Variants in BACH2 observed in about 807,000 individuals in gnomAD.
BACH2 encodes the protein BACH transcriptional regulator 2.
BACH2 carries 5 observed loss-of-function variants against 61.8 expected under a neutral mutation model. The observed-to-expected ratio is 0.08, with a 90% CI of 0.04 to 0.17. BACH2 has a LOEUF of 0.17. Among genes scored for constraint, BACH2 ranks in the 10% least tolerant of loss-of-function variants. The pLI is 1.00. For synonymous variants in BACH2, 446 were observed against 440.1 expected, an observed-to-expected ratio of 1.01 and a Z score of -0.17; for missense variants, 824 against 1,091.1, an observed-to-expected ratio of 0.76 and a Z score of 3.45.
chr6:89,990,609 G>T (rs534491517), intron 6 of BACH2, among the ~76,000 whole-genome samples: 6 of 151,832 alleles, frequency 4.0e-5, no homozygotes, highest in African/African-American at 1.4e-4. Flanking sequence ...TACCTTGGCT[G>T]GTCTCTCTCC....
intron 5 of BACH2, among the ~76,000 whole-genome samples, chr6:90,056,858 G>T (rs1375927238): frequency 1.3e-5 from 2 of 152,168 alleles, no homozygotes; most frequent in Non-Finnish European, 2.9e-5. Flanking sequence ...TGAACAACCT[G>T]CTCCTGAATG....
chr6:90,159,097 C>T (rs1428280914), intron 4 of BACH2, among the ~76,000 whole-genome samples: 5 of 152,130 alleles, frequency 3.3e-5, no homozygotes, highest in Non-Finnish European at 7.3e-5. Context: ...AGACATTTAA[C>T]GTGTGACAAA....
chr6:90,260,927 AGTCCTGT>A (rs1771136450), intron 2 of BACH2, among the ~76,000 whole-genome samples: 1 of 152,132 alleles, frequency 6.6e-6, no homozygotes, highest in African/African-American at 2.4e-5. Flanking sequence ...CCACTGGAAA[AGTCCTGT>A]GTCCCACAGG....
chr6:90,281,564 A>G (rs1042897407), intron 1 of BACH2, among the ~76,000 whole-genome samples: 2 of 152,072 alleles, frequency 1.3e-5, no homozygotes, highest in Admixed American at 6.5e-5. Flanking sequence ...ATCATATTAA[A>G]TCATATTAAT....
chr6:90,001,261 ACAC>A (rs1391902863), intron 6 of BACH2: 1 of 152,246 alleles, frequency 6.6e-6, no homozygotes, highest in East Asian at 1.9e-4. Flanking sequence ...AACAGATAAA[ACAC>A]CACATCTTGA....
chr6:89,938,680 T>G (rs771060930), intron 7 of BACH2, among the ~76,000 whole-genome samples: 5 of 152,186 alleles, frequency 3.3e-5, no homozygotes, highest in Non-Finnish European at 7.3e-5. Flanking sequence ...TGTACTTCCA[T>G]AAGACCTACA....
At chr6:90,085,453 AGC>A in intron 5 of BACH2, among the ~76,000 whole-genome samples, 1 of 152,174 alleles carries the variant, frequency 6.6e-6, no homozygotes, top group African/African-American at 2.4e-5. Context: ...GAGGAACTGG[AGC>A]AGCCCCACTG....
Position 90,137,854 on chromosome 6 carries a change from CA to C in BACH2, c.-161-48746del, listed in dbSNP as rs1784327958. Reference sequence around the variant, plus strand: ...CTAATAAGATTCGGCTGCTGTCTTGCAAAGCCAGGCAGTGTGGGACAGCTGG... The same window carrying C: ...CTAATAAGATTCGGCTGCTGTCTTGCAAGCCAGGCAGTGTGGGACAGCTGG... On this transcript the variant is annotated intron_variant, in intron 4 of 8. Coordinates refer to ENST00000257749, the MANE Select transcript of BACH2 (RefSeq NM_021813.4). Among the ~76,000 whole-genome samples the C allele has an allele frequency of 2.6e-5, 4 of 152,252 alleles. No homozygotes were observed. In the South Asian group the frequency reaches 8.3e-4, roughly 32 times the overall value.
At chr6:90,056,829 T>C (rs951699850) in intron 5 of BACH2, among the ~76,000 whole-genome samples, 4 of 152,092 alleles carry the variant, frequency 2.6e-5, no homozygotes, top group Admixed American at 6.6e-5. Context: ...CACTCAAAAC[T>C]GCTCAACTAC....
intron 4 of BACH2, among the ~76,000 whole-genome samples, chr6:90,173,819 A>AC (rs1767898318): frequency 6.6e-6 from 1 of 152,192 alleles, no homozygotes. Flanking sequence ...GAGTTTGATC[A>AC]TATGAAAATT....
chr6:90,182,426 A>G (rs952177951), intron 4 of BACH2, among the ~76,000 whole-genome samples: 2 of 152,024 alleles, frequency 1.3e-5, no homozygotes, highest in African/African-American at 4.8e-5. Flanking sequence ...AGGATTTCCT[A>G]CCTCATCCAG....
chr6:90,243,518 C>G (rs1770527824), intron 3 of BACH2, among the ~76,000 whole-genome samples: 1 of 152,090 alleles, frequency 6.6e-6, no homozygotes. Flanking sequence ...AAAGTTTTGT[C>G]CTGGTGGCAG....
At chr6:90,115,303 G>A (rs1229348886) in intron 4 of BACH2, among the ~76,000 whole-genome samples, 1 of 152,104 alleles carries the variant, frequency 6.6e-6, no homozygotes, top group Non-Finnish European at 1.5e-5. Flanking sequence ...AAAACAGCAT[G>A]GTACTGGTAC....
At chr6:90,238,933 G>C (rs1770344341) in intron 3 of BACH2, among the ~76,000 whole-genome samples, 1 of 152,068 alleles carries the variant, frequency 6.6e-6, no homozygotes, top group African/African-American at 2.4e-5. Context: ...AACCTGAAGA[G>C]CACACCTCAC....
intron 4 of BACH2, among the ~76,000 whole-genome samples, chr6:90,092,051 T>C (rs1051164539): frequency 2.6e-5 from 4 of 151,880 alleles, no homozygotes; most frequent in Non-Finnish European, 5.9e-5. Context: ...TCAAAGAGTA[T>C]ACTTTGTTTT....
intron 2 of BACH2, among the ~76,000 whole-genome samples, chr6:90,263,925 G>A (rs1771243949): frequency 6.6e-6 from 1 of 152,146 alleles, no homozygotes; most frequent in South Asian, 2.1e-4. Flanking sequence ...GTTTTAGATT[G>A]ATGATGCTGA....
At chr6:90,057,459 G>T (rs562580995) in intron 5 of BACH2, among the ~76,000 whole-genome samples, 29 of 152,178 alleles carry the variant, frequency 1.9e-4, no homozygotes, top group South Asian at 4.2e-4. Flanking sequence ...AATAACAGGA[G>T]CTGAAATTGA....
chr6:90,052,144 C>A (rs950882716), intron 5 of BACH2, among the ~76,000 whole-genome samples: 52 of 152,250 alleles, frequency 3.4e-4, no homozygotes, highest in African/African-American at 1.2e-3. Context: ...ATATGAAGAA[C>A]ACATATATTC....
chr6:90,132,919 T>TA (rs1784125644), intron 4 of BACH2, among the ~76,000 whole-genome samples: 1 of 152,184 alleles, frequency 6.6e-6, no homozygotes. Context: ...TCTGTCCAGT[T>TA]ACGCTCCAAG....
Sources: allele counts gnomAD v4.1 joint callset (sites outside exome capture counted in the v4.1 genomes callset), GRCh38; gene constraint gnomAD v4.1.1; transcripts MANE v1.5; gene names NCBI Gene and HGNC (gene_info 2026-07-23, HGNC 2026-07-21).